The following ME3 variants were observed in gnomAD, a reference collection of about 807,000 sequenced individuals.
The protein encoded by ME3 is NADP-dependent malic enzyme, mitochondrial.
ME3 carries 48 observed loss-of-function variants against 68.9 expected under a neutral mutation model. The observed-to-expected ratio is 0.70, with a 90% CI of 0.55 to 0.89. The LOEUF (loss-of-function observed/expected upper bound fraction) is 0.89, where lower values mean the gene tolerates loss of function less well. Among genes scored for constraint, ME3 ranks in the 40% least tolerant of loss-of-function variants. The pLI, the probability that ME3 is intolerant of heterozygous loss-of-function variation, is 0.00. For missense variants in ME3, 675 were observed against 797.4 expected, an observed-to-expected ratio of 0.85 and a Z score of 1.85; for synonymous variants, 320 against 318.8, an observed-to-expected ratio of 1.00 and a Z score of -0.04.
chr11:86,493,732 G>A (rs1952135756), intron 6 of ME3, among the ~76,000 whole-genome samples: 1 of 152,156 alleles, frequency 6.6e-6, no homozygotes, highest in Non-Finnish European at 1.5e-5. Context: ...AAATCTCCTT[G>A]GTATTGGCAG....
chr11:86,450,281 A>G lies in ME3; in HGVS notation c.1017+20T>C. 6.2e-7 allele frequency: 1 copy of G among 1,611,148 alleles called. No individual in the cohort carries two copies. Among genetic ancestry groups the G allele is most frequent in the Non-Finnish European group, 8.5e-7 (1 of 1,177,318 alleles). On this transcript the variant is annotated intron_variant, in intron 9 of 14. Coordinates refer to ENST00000543262, the Ensembl canonical transcript of ME3. ...TATTCTCTTCCTGGAGCAACCAAAG[A>G]AACCCTCAATGCCACATACCTCGCC...
At chr11:86,508,299 C>T (rs1334281098) in intron 5 of ME3, among the ~76,000 whole-genome samples, 1 of 152,220 alleles carries the variant, frequency 6.6e-6, no homozygotes, top group Non-Finnish European at 1.5e-5. Context: ...TCCACTGTCA[C>T]TTCCCCCAGG....
intron 4 of ME3, among the ~76,000 whole-genome samples, chr11:86,543,542 C>G (rs545775657): frequency 6.6e-6 from 1 of 152,012 alleles, no homozygotes; most frequent in Non-Finnish European, 1.5e-5. Flanking sequence ...CTAGAAAGAT[C>G]AAAAAAGACC....
intron 5 of ME3, among the ~76,000 whole-genome samples, chr11:86,502,537 T>C (rs943697987): frequency 1.3e-5 from 2 of 152,230 alleles, no homozygotes; most frequent in Non-Finnish European, 2.9e-5. Flanking sequence ...TCAGACCTGC[T>C]GTGGATTAAC....
chr11:86,458,541 C>T (rs1950063372), intron 8 of ME3, among the ~76,000 whole-genome samples: 1 of 149,830 alleles, frequency 6.7e-6, no homozygotes, highest in Non-Finnish European at 1.5e-5. Context: ...CTCGGAGGAG[C>T]CAGATACATG....
intron 8 of ME3, among the ~76,000 whole-genome samples, chr11:86,463,136 TG>T (rs1317957337): frequency 6.6e-6 from 1 of 152,002 alleles, no homozygotes; most frequent in Admixed American, 6.6e-5. Context: ...CGGATGGGCC[TG>T]GGGGGCTGCA....
chr11:86,493,183 C>T (rs1214041076), intron 6 of ME3, among the ~76,000 whole-genome samples: 1 of 152,176 alleles, frequency 6.6e-6, no homozygotes, highest in Non-Finnish European at 1.5e-5. Flanking sequence ...CTCCATGCTT[C>T]CTTGGCGATC....
intron 4 of ME3, among the ~76,000 whole-genome samples, chr11:86,538,500 C>T (rs971401057): frequency 1.3e-5 from 2 of 152,234 alleles, no homozygotes; most frequent in East Asian, 1.9e-4. Flanking sequence ...AGCTCAACTT[C>T]CCACAACCGT....
At chr11:86,498,056 G>A in exon 6 of ME3, 1 of 1,613,748 alleles carries the variant, frequency 6.2e-7, no homozygotes. Flanking sequence ...TGCCCACAGG[G>A]ATGCCCATGC....
At chr11:86,632,256 A>G (rs1028024576) in intron 2 of ME3, among the ~76,000 whole-genome samples, 1 of 152,156 alleles carries the variant, frequency 6.6e-6, no homozygotes, top group Admixed American at 6.5e-5. Context: ...CTGGGAGAGC[A>G]GCTTCACAGG....
At chr11:86,446,282 G>A in intron 13 of ME3, 32 bp downstream of exon 13, 1 of 1,611,036 alleles carries the variant, frequency 6.2e-7, no homozygotes, top group South Asian at 1.1e-5. Context: ...AGACCCTACT[G>A]CAAGCATTTG....
At chr11:86,546,922 C>T (rs148070220) in intron 4 of ME3, among the ~76,000 whole-genome samples, 8,152 of 151,538 alleles carry the variant, frequency 0.054, 291 homozygotes, top group Non-Finnish European at 0.083. Context: ...AATCCAAATG[C>T]CCATCAATGA....
intron 2 of ME3, among the ~76,000 whole-genome samples, chr11:86,644,017 T>C (rs912133424): frequency 2.6e-5 from 4 of 152,130 alleles, no homozygotes; most frequent in Non-Finnish European, 5.9e-5. Flanking sequence ...ACACAAATAT[T>C]TGATTTCCTT....
intron 2 of ME3, among the ~76,000 whole-genome samples, chr11:86,598,534 C>CA (rs1288988917): frequency 3.3e-5 from 5 of 152,204 alleles, no homozygotes; most frequent in Non-Finnish European, 7.3e-5. Context: ...CACAGACAAA[C>CA]AAAAAGACAG....
chr11:86,554,178 C>G (rs1345270641), intron 4 of ME3, among the ~76,000 whole-genome samples: 1 of 152,206 alleles, frequency 6.6e-6, no homozygotes, highest in Non-Finnish European at 1.5e-5. Context: ...AACCCTTCTA[C>G]TAGTTCATCT....
At chr11:86,669,208 G>T (rs1482201789) in intron 2 of ME3, among the ~76,000 whole-genome samples, 2 of 152,194 alleles carry the variant, frequency 1.3e-5, no homozygotes, top group Admixed American at 6.5e-5. Context: ...GTCCCCAAGG[G>T]TGAGTGAATA....
intron 8 of ME3, among the ~76,000 whole-genome samples, chr11:86,453,850 T>G (rs1410903584): frequency 6.6e-6 from 1 of 152,222 alleles, no homozygotes; most frequent in Admixed American, 6.5e-5. Flanking sequence ...TAGCTGCCAC[T>G]CAGTGACACC....
chr11:86,623,753 T>A (rs1943489735), intron 2 of ME3, among the ~76,000 whole-genome samples: 1 of 152,206 alleles, frequency 6.6e-6, no homozygotes, highest in Admixed American at 6.5e-5. Flanking sequence ...CACAGTTACC[T>A]CTGAGGGTCT....
chr11:86,597,120 C>T (rs556909779), intron 2 of ME3, among the ~76,000 whole-genome samples: 2 of 152,350 alleles, frequency 1.3e-5, no homozygotes, highest in African/African-American at 4.8e-5. Context: ...TAACAGGTAA[C>T]AGGGTCCCAG....
Sources: allele counts gnomAD v4.1 joint callset (sites outside exome capture counted in the v4.1 genomes callset), GRCh38; gene constraint gnomAD v4.1.1; transcripts MANE v1.5; gene names NCBI Gene and HGNC (gene_info 2026-07-23, HGNC 2026-07-21).